The following SFT2D1 variants were observed in gnomAD, a reference collection of about 807,000 sequenced individuals.
SFT2D1 encodes vesicle transport protein SFT2A.
Under a neutral mutation model 28.1 loss-of-function variants are expected in SFT2D1, and 24 were observed. The observed-to-expected ratio is 0.85, with a 90% CI of 0.62 to 1.20. SFT2D1 has a LOEUF of 1.20. Ranked by LOEUF, SFT2D1 falls within the 50% of genes most tolerant of loss-of-function variation. The pLI is 0.00. For synonymous variants in SFT2D1, 82 were observed against 73.7 expected (o/e 1.11, Z -0.58); for missense variants, 181 against 190.9 (o/e 0.95, Z 0.31).
At position 166,324,581 on chromosome 6, in the gene SFT2D1, T is replaced by TC; in HGVS notation, c.365dup (p.Leu123ThrfsTer17). ...GCAATATGCAGAATAACACAGCCAG[T>TC]CCCTTCTTATGCCACTAACAACAGC... is the stretch of plus-strand genomic sequence containing the variant. On this transcript the variant is annotated frameshift_variant, in exon 6 of 8. Transcript: ENST00000361731. LOFTEE classifies it high-confidence loss of function. 6.2e-7 allele frequency: 1 copy of TC among 1,612,850 alleles called. No homozygotes were observed. Among genetic ancestry groups the TC allele is most frequent in the East Asian group, 2.2e-5 (1 of 44,798 alleles).
Position 166,338,780 on chromosome 6 carries a change from G to T in SFT2D1, c.63+3639C>A, listed in dbSNP as rs186010665. 2.5e-3 allele frequency among the ~76,000 whole-genome samples: 375 copies of T among 152,162 alleles called. 2 individuals carry two copies. The highest frequency in any genetic ancestry group is 8.4e-3 in the African/African-American group (349 of 41,508). On this transcript the variant is annotated intron_variant, in intron 1 of 7. Transcript: ENST00000361731. ...GAAGTCAATGAAGGATGTGATCAGG[G>T]GAGGAATATGATCAACTCTCTTAAG...
chr6:166,329,407 T>C, intron 3 of SFT2D1, 100 bp downstream of exon 3: 1 of 892,298 alleles, frequency 1.1e-6, no homozygotes. Context: ...GAATTCACAG[T>C]ATGTACAGAA....
intron 1 of SFT2D1, among the ~76,000 whole-genome samples, chr6:166,341,688 T>C (rs1428314717): frequency 1.3e-5 from 2 of 152,086 alleles, no homozygotes; most frequent in South Asian, 2.1e-4. Context: ...CAGCACACAA[T>C]AACGTGCAAT....
intron 1 of SFT2D1, among the ~76,000 whole-genome samples, chr6:166,334,077 A>G (rs1032715304): frequency 5.3e-5 from 8 of 152,232 alleles, no homozygotes; most frequent in African/African-American, 1.9e-4. Context: ...TCACTCTCTG[A>G]AAATGCATCC....
intron 6 of SFT2D1, 144 bp from the exon 7 acceptor site, chr6:166,323,030 G>T: frequency 1.7e-6 from 1 of 603,966 alleles, no homozygotes; most frequent in South Asian, 2.5e-5. Context: ...CCAGCAGTGA[G>T]AGCATCATCT....
chr6:166,326,857 C>T (rs553420630), intron 4 of SFT2D1, among the ~76,000 whole-genome samples: 1 of 152,256 alleles, frequency 6.6e-6, no homozygotes, highest in East Asian at 1.9e-4. Context: ...GGGGTAAGTG[C>T]CAGGATTTCT....
chr6:166,327,835 T>C (rs1778476639), intron 4 of SFT2D1, among the ~76,000 whole-genome samples: 1 of 152,138 alleles, frequency 6.6e-6, no homozygotes, highest in African/African-American at 2.4e-5. Context: ...AGCTTCACTC[T>C]TGTTGGCCAG....
chr6:166,324,859 A>G (rs537869900), intron 5 of SFT2D1, among the ~76,000 whole-genome samples: 24 of 152,338 alleles, frequency 1.6e-4, no homozygotes, highest in African/African-American at 5.5e-4. Context: ...TTGTGCATAG[A>G]CTGAAAACAT....
intron 2 of SFT2D1, 124 bp from the exon 3 acceptor site, chr6:166,329,713 T>C: frequency 1.3e-6 from 1 of 746,052 alleles, no homozygotes; most frequent in Non-Finnish European, 2.1e-6. Context: ...AATCTGCTTG[T>C]AGACAGTCTA....
intron 7 of SFT2D1, among the ~76,000 whole-genome samples, chr6:166,320,771 C>G (rs921837791): frequency 8.6e-5 from 13 of 151,908 alleles, no homozygotes; most frequent in African/African-American, 3.1e-4. Flanking sequence ...CCCGTCTCAG[C>G]CTCCCAAAAT....
intron 1 of SFT2D1, among the ~76,000 whole-genome samples, chr6:166,339,411 T>C (rs528774365): frequency 2.0e-5 from 3 of 152,240 alleles, no homozygotes; most frequent in Non-Finnish European, 4.4e-5. Flanking sequence ...TCCTGGACCA[T>C]TCCCAATGCA....
At chr6:166,324,403 C>T in intron 6 of SFT2D1, 134 bp downstream of exon 6, 1 of 731,920 alleles carries the variant, frequency 1.4e-6, no homozygotes, top group Non-Finnish European at 2.3e-6. Flanking sequence ...CGCAGACCTC[C>T]CCTCCTCTGA....
At chr6:166,336,933 C>G (rs1778666890) in intron 1 of SFT2D1, among the ~76,000 whole-genome samples, 1 of 152,198 alleles carries the variant, frequency 6.6e-6, no homozygotes, top group African/African-American at 2.4e-5. Context: ...GCACCTCCTC[C>G]TCATACCATC....
chr6:166,334,855 G>A (rs770473948), intron 1 of SFT2D1: 5 of 424,138 alleles, frequency 1.2e-5, no homozygotes, highest in African/African-American at 4.1e-5. Context: ...GGGCTGTCTC[G>A]AGAAGATTCT....
chr6:166,342,348 C>T, intron 1 of SFT2D1, 71 bp downstream of exon 1: 2 of 1,445,636 alleles, frequency 1.4e-6, no homozygotes, highest in Non-Finnish European at 1.9e-6. Flanking sequence ...ACCCCACCCG[C>T]TCGGCCGGTC....
At chr6:166,325,531 CTT>C (rs917884821) in intron 5 of SFT2D1, among the ~76,000 whole-genome samples, 26 of 152,362 alleles carry the variant, frequency 1.7e-4, no homozygotes, top group African/African-American at 5.5e-4. Flanking sequence ...CAGTTCCTCT[CTT>C]TGTTGTTACT....
rs755095760 is a variant in SFT2D1, at chr6:166,342,501, A to C, written c.-20T>G. On this transcript the variant is annotated 5_prime_UTR_variant, in exon 1 of 8. Transcript: ENST00000361731. ...CTCCATGGCCCTGTTACAGGGCCGT[A>C]GCGGCCGCCACTCTGTTGCCTGCCC... The C allele has an allele frequency of 7.8e-6, 12 of 1,540,048 alleles. No homozygotes were observed. In the South Asian group the frequency reaches 1.4e-4, roughly 18 times the overall value.
chr6:166,326,063 G>A, intron 5 of SFT2D1, 69 bp downstream of exon 5: 8 of 1,364,224 alleles, frequency 5.9e-6, no homozygotes, highest in East Asian at 2.3e-5. Context: ...AGATAATGGT[G>A]TGATGACACG....
chr6:166,327,194 TA>T, intron 4 of SFT2D1, among the ~76,000 whole-genome samples: 1 of 152,194 alleles, frequency 6.6e-6, no homozygotes, highest in Non-Finnish European at 1.5e-5. Flanking sequence ...GTTATAATGG[TA>T]ACATTTAAAT....
Sources: gnomAD v4.1 joint callset for allele counts (sites outside exome capture counted in the v4.1 genomes callset) on GRCh38, gnomAD v4.1.1 for gene constraint, MANE v1.5 for transcripts, NCBI Gene and HGNC (gene_info 2026-07-23, HGNC 2026-07-21) for gene names.